Variants in PHACTR1 observed in about 807,000 individuals in gnomAD.
PHACTR1 encodes RPEL repeat containing 1.
A neutral mutation model predicts 69.2 loss-of-function variants in PHACTR1; 16 were observed. The observed-to-expected ratio is 0.23, with a 90% CI of 0.16 to 0.35. PHACTR1 has a LOEUF of 0.35. Ranked by LOEUF, PHACTR1 falls within the 10% of genes least tolerant of loss-of-function variation. The probability of loss-of-function intolerance (pLI) is 1.00; values close to 1 mark genes in which losing one functional copy is unlikely to be tolerated. For missense variants in PHACTR1, 510 were observed against 734.7 expected (o/e 0.69, Z 3.54); for synonymous variants, 312 against 284.5 (o/e 1.10, Z -0.97).
chr6:12,907,133 T>C (rs1785822736), intron 4 of PHACTR1, among the ~76,000 whole-genome samples: 1 of 152,248 alleles, frequency 6.6e-6, no homozygotes, highest in African/African-American at 2.4e-5. Context: ...TTTAAAGTCC[T>C]TTCAGCTACT....
chr6:13,120,585 T>C (rs971948321), intron 5 of PHACTR1, among the ~76,000 whole-genome samples: 2 of 152,166 alleles, frequency 1.3e-5, no homozygotes, highest in Non-Finnish European at 2.9e-5. Flanking sequence ...GTTTTCTCTT[T>C]TCTTTTCGCT....
chr6:13,173,389 C>G (rs1231722450), intron 6 of PHACTR1, among the ~76,000 whole-genome samples: 1 of 152,126 alleles, frequency 6.6e-6, no homozygotes, highest in African/African-American at 2.4e-5. Context: ...CTTCTATGCT[C>G]TACATTTAAA....
chr6:13,269,517 T>C (rs1336110044), intron 10 of PHACTR1, among the ~76,000 whole-genome samples: 2 of 152,186 alleles, frequency 1.3e-5, no homozygotes, highest in Admixed American at 1.3e-4. Context: ...AAAAATGTCT[T>C]AATGGGATTG....
At chr6:13,183,908 A>G (rs376561572) in intron 7 of PHACTR1, among the ~76,000 whole-genome samples, 8 of 152,232 alleles carry the variant, frequency 5.3e-5, no homozygotes, top group African/African-American at 9.6e-5. Flanking sequence ...CCACCACCCA[A>G]TGACAACTCT....
chr6:13,194,335 G>A (rs1764043870), intron 7 of PHACTR1, among the ~76,000 whole-genome samples: 1 of 151,384 alleles, frequency 6.6e-6, no homozygotes, highest in Non-Finnish European at 1.5e-5. Flanking sequence ...CCCAGGAGGT[G>A]GAGGTTGCAG....
intron 3 of PHACTR1, among the ~76,000 whole-genome samples, chr6:12,719,456 C>A (rs545466355): frequency 1.3e-5 from 2 of 152,156 alleles, no homozygotes; most frequent in East Asian, 3.9e-4. Flanking sequence ...TGTTTTTCCA[C>A]CACATTAAAG....
At chr6:13,046,920 T>C (rs1468627597) in intron 4 of PHACTR1, among the ~76,000 whole-genome samples, 1 of 152,186 alleles carries the variant, frequency 6.6e-6, no homozygotes, top group Non-Finnish European at 1.5e-5. Flanking sequence ...TGGCATGACT[T>C]ATTCTAGAAT....
intron 5 of PHACTR1, among the ~76,000 whole-genome samples, chr6:13,062,245 G>T (rs894759052): frequency 2.0e-5 from 3 of 152,166 alleles, no homozygotes; most frequent in South Asian, 4.1e-4. Flanking sequence ...GGTGAGCATA[G>T]ATCTCCAGTC....
chr6:13,284,631 G>A (rs1203500032), intron 13 of PHACTR1, among the ~76,000 whole-genome samples: 3 of 138,448 alleles, frequency 2.2e-5, no homozygotes, highest in East Asian at 2.2e-4. Context: ...TGTAGGTAAC[G>A]ATAGAAACTA....
In PHACTR1 at chr6:13,255,407, C is replaced by T. The variant is rs565139815; in HGVS notation, c.1392-17453C>T. 2.6e-4 allele frequency among the ~76,000 whole-genome samples: 40 copies of T among 152,216 alleles called. 1 individual carries two copies. The South Asian group carries it at 5.6e-3, about 21-fold the overall frequency. On this transcript the variant is annotated intron_variant, in intron 10 of 14. Coordinates refer to ENST00000332995, the MANE Select transcript of PHACTR1 (RefSeq NM_030948.6). The stretch of plus-strand genomic sequence containing the variant: ...CCAAACCATATCATTCTGCCCCTGG[C>T]GCCTCCCAAATCTCATGTCCTTCTC...
At chr6:13,051,329 T>G (rs764337235) in intron 4 of PHACTR1, among the ~76,000 whole-genome samples, 2 of 152,170 alleles carry the variant, frequency 1.3e-5, no homozygotes, top group Non-Finnish European at 2.9e-5. Flanking sequence ...TGGTACAGAG[T>G]GGGCATACAA....
intron 4 of PHACTR1, among the ~76,000 whole-genome samples, chr6:12,769,406 A>G (rs762750680): frequency 5.9e-5 from 9 of 152,228 alleles, no homozygotes; most frequent in African/African-American, 9.6e-5. Context: ...TGAAAAAGGA[A>G]TGAATTCCAG....
intron 6 of PHACTR1, among the ~76,000 whole-genome samples, chr6:13,180,561 C>T (rs1583764112): frequency 6.6e-6 from 1 of 152,128 alleles, no homozygotes; most frequent in South Asian, 2.1e-4. Context: ...GCATCCTTCC[C>T]CCAAAGAAGC....
intron 6 of PHACTR1, among the ~76,000 whole-genome samples, chr6:13,161,190 G>C (rs1758947285): frequency 6.6e-6 from 1 of 152,116 alleles, no homozygotes; most frequent in South Asian, 2.1e-4. Context: ...TGTTGCCCAG[G>C]CTGGTCTCAA....
intron 10 of PHACTR1, chr6:13,272,432 G>A (rs1562101930): frequency 5.0e-6 from 1 of 201,488 alleles, no homozygotes; most frequent in East Asian, 1.4e-4. Flanking sequence ...ACCTCTTTAT[G>A]TTCTAACTGG....
chr6:13,208,199 G>T (rs73355303), intron 8 of PHACTR1, among the ~76,000 whole-genome samples: 3,015 of 152,212 alleles, frequency 0.02, 74 homozygotes, highest in African/African-American at 0.057. Context: ...CTACGGAAAC[G>T]GAGTAGATGG....
intron 8 of PHACTR1, among the ~76,000 whole-genome samples, chr6:13,222,126 T>G (rs528117056): frequency 6.6e-6 from 1 of 152,216 alleles, no homozygotes; most frequent in African/African-American, 2.4e-5. Context: ...TAGTTAGCCC[T>G]TAGGAAGAGG....
At chr6:12,760,784 T>A in intron 4 of PHACTR1, among the ~76,000 whole-genome samples, 1 of 152,002 alleles carries the variant, frequency 6.6e-6, no homozygotes, top group East Asian at 1.9e-4. Flanking sequence ...AATACAAAAA[T>A]TAGCTGGGCG....
chr6:12,833,997 C>A lies in PHACTR1; in HGVS notation c.250+84207C>A, dbSNP rs77994162. On this transcript the variant is annotated intron_variant, in intron 4 of 14. Coordinates refer to ENST00000332995, the MANE Select transcript of PHACTR1 (RefSeq NM_030948.6). ...CAAGGTCTCAGTTTGGAGCTGCCCC[C>A]CTTAGAGAGACCTTCCTGATCCCCA... Among the ~76,000 whole-genome samples, 1,059 of 152,220 alleles carry A rather than the reference C, an allele frequency of 7.0e-3. 17 individuals are homozygous for A. The highest frequency in any genetic ancestry group is 0.024 in the African/African-American group (1,005 of 41,546).
Sources: allele counts gnomAD v4.1 joint callset (sites outside exome capture counted in the v4.1 genomes callset), GRCh38; gene constraint gnomAD v4.1.1; transcripts MANE v1.5; gene names NCBI Gene and HGNC (gene_info 2026-07-23, HGNC 2026-07-21).